The following CDH11 variants were observed in gnomAD, a reference collection of about 807,000 sequenced individuals.
CDH11 encodes cadherin-11.
CDH11 carries 11 observed loss-of-function variants against 67.8 expected under a neutral mutation model. The observed-to-expected ratio is 0.16, with a 90% CI of 0.10 to 0.27. CDH11 has a LOEUF of 0.27. Ranked by LOEUF, CDH11 falls within the 10% of genes least tolerant of loss-of-function variation. The pLI is 1.00. For synonymous variants in CDH11, 419 were observed against 400.0 expected (o/e 1.05, Z -0.57); for missense variants, 847 against 1,031.2 (o/e 0.82, Z 2.45).
At chr16:65,024,727 G>A (rs1426274350) in intron 2 of CDH11, among the ~76,000 whole-genome samples, 1 of 152,130 alleles carries the variant, frequency 6.6e-6, no homozygotes, top group Non-Finnish European at 1.5e-5. Context: ...GGCATTCAAA[G>A]ACCTGCCACT....
intron 2 of CDH11, among the ~76,000 whole-genome samples, chr16:65,038,598 C>A (rs2073801159): frequency 6.6e-6 from 1 of 152,186 alleles, no homozygotes; most frequent in South Asian, 2.1e-4. Context: ...TAATTCTAAG[C>A]CTTGCTTCTA....
In CDH11 at chr16:65,067,668, G is replaced by C. The variant is rs186508748; in HGVS notation, c.-297-13740C>G. ...TATGCACACTGACACATAGAATTGG[G>C]ACCTATGTAAAGGTGAGACAGAGAA... On this transcript the variant is annotated intron_variant, in intron 1 of 12. Transcript: ENST00000268603. Among the ~76,000 whole-genome samples the C allele has an allele frequency of 1.0e-3, 151 of 151,370 alleles. 1 individual carries two copies. The highest frequency in any genetic ancestry group is 1.9e-3 in the Non-Finnish European group (129 of 67,874).
At position 64,957,639 on chromosome 16, in the gene CDH11, C is replaced by CATAT. The variant is rs36077145; in HGVS notation, c.1643-6625_1643-6622dup. On this transcript the variant is annotated intron_variant, in intron 11 of 12. Transcript: ENST00000268603. ...ACACACACACACACACACACCCATC[C>CATAT]ATATATATATATATACATATATATA... Among the ~76,000 whole-genome samples, 494 of 146,820 alleles carry CATAT rather than the reference C, an allele frequency of 3.4e-3. 3 individuals carry two copies. Among genetic ancestry groups the CATAT allele is most frequent in the East Asian group, 0.012 (61 of 4,930 alleles).
At chr16:65,084,410 T>C (rs2074662025) in intron 1 of CDH11, among the ~76,000 whole-genome samples, 1 of 151,896 alleles carries the variant, frequency 6.6e-6, no homozygotes, top group South Asian at 2.1e-4. Context: ...GAGCCAAAAT[T>C]GAACCATTGC....
chr16:64,972,852 G>A, intron 9 of CDH11, 52 bp downstream of exon 9: 1 of 1,588,936 alleles, frequency 6.3e-7, no homozygotes, highest in Non-Finnish European at 8.6e-7. Flanking sequence ...TATAGAGTCT[G>A]AAGCGATAAT....
intron 12 of CDH11, chr16:64,948,825 C>G (rs746174472): frequency 1.3e-5 from 18 of 1,412,010 alleles, no homozygotes; most frequent in South Asian, 1.0e-4. Flanking sequence ...AAGGAAAGTT[C>G]AGGCACAGTT....
intron 6 of CDH11, 55 bp downstream of exon 6, chr16:64,991,713 G>A: frequency 7.4e-7 from 1 of 1,347,122 alleles, no homozygotes; most frequent in South Asian, 1.2e-5. Flanking sequence ...GTTAGAGGAG[G>A]GAGAGAGCTG....
chr16:64,974,011 T>C (rs944656230), intron 8 of CDH11, among the ~76,000 whole-genome samples: 20 of 152,238 alleles, frequency 1.3e-4, no homozygotes, highest in African/African-American at 4.6e-4. Context: ...AGATTTTAGT[T>C]ACTCCCACCC....
intron 1 of CDH11, among the ~76,000 whole-genome samples, chr16:65,061,153 T>C (rs1355979617): frequency 2.0e-5 from 3 of 152,248 alleles, no homozygotes; most frequent in African/African-American, 7.2e-5. Flanking sequence ...TGTGGCTATT[T>C]GGTCCTCCCA....
intron 1 of CDH11, among the ~76,000 whole-genome samples, chr16:65,088,803 C>G (rs1429323084): frequency 1.3e-5 from 2 of 152,134 alleles, no homozygotes; most frequent in Admixed American, 6.6e-5. Flanking sequence ...AGACAAAGGG[C>G]CTGATACATG....
intron 12 of CDH11, among the ~76,000 whole-genome samples, chr16:64,949,914 C>A (rs1329123601): frequency 6.6e-6 from 1 of 152,134 alleles, no homozygotes; most frequent in African/African-American, 2.4e-5. Flanking sequence ...AGAGAATACC[C>A]AGTAACTATT....
chr16:65,036,624 G>C (rs1299428073), intron 2 of CDH11, among the ~76,000 whole-genome samples: 1 of 152,068 alleles, frequency 6.6e-6, no homozygotes, highest in Non-Finnish European at 1.5e-5. Context: ...CCATTCTGCA[G>C]CCATCCTGCC....
chr16:64,988,043 G>C (rs2072529660), intron 7 of CDH11, 114 bp downstream of exon 7: 1 of 746,352 alleles, frequency 1.3e-6, no homozygotes, highest in Admixed American at 2.7e-5. Flanking sequence ...AGTCAGGTCA[G>C]CCCCTGGTTT....
At chr16:65,058,902 T>C (rs1042233264) in intron 1 of CDH11, among the ~76,000 whole-genome samples, 7 of 152,186 alleles carry the variant, frequency 4.6e-5, no homozygotes, top group Non-Finnish European at 1.0e-4. Context: ...AAATCAATAG[T>C]TGTGATTATG....
intron 11 of CDH11, among the ~76,000 whole-genome samples, chr16:64,971,103 A>G (rs1318799504): frequency 6.6e-6 from 1 of 152,348 alleles, no homozygotes; most frequent in African/African-American, 2.4e-5. Context: ...TCAGGCAACA[A>G]TTCTGCAACT....
At chr16:64,968,588 G>C (rs900320378) in intron 11 of CDH11, 1 of 983,826 alleles carries the variant, frequency 1.0e-6, no homozygotes, top group African/African-American at 1.7e-5. Context: ...AACGGAATAA[G>C]ATAAAATGAA....
chr16:65,077,883 C>G (rs1234808730), intron 1 of CDH11, among the ~76,000 whole-genome samples: 6 of 152,204 alleles, frequency 3.9e-5, no homozygotes. Flanking sequence ...ATTTTCCCTT[C>G]AATTAATGTT....
intron 8 of CDH11, among the ~76,000 whole-genome samples, chr16:64,976,891 C>CAACA (rs1567503099): frequency 7.3e-6 from 1 of 137,558 alleles, no homozygotes; most frequent in Non-Finnish European, 1.6e-5. Context: ...ACCAACCAAC[C>CAACA]AACAAAAAAG....
At chr16:65,044,404 T>A (rs556881069) in intron 2 of CDH11, among the ~76,000 whole-genome samples, 2 of 152,242 alleles carry the variant, frequency 1.3e-5, no homozygotes, top group South Asian at 4.2e-4. Flanking sequence ...AAAAATGACC[T>A]TTTAGGGTAG....
Sources: gnomAD v4.1 joint callset for allele counts (sites outside exome capture counted in the v4.1 genomes callset) on GRCh38, gnomAD v4.1.1 for gene constraint, MANE v1.5 for transcripts, NCBI Gene and HGNC (gene_info 2026-07-23, HGNC 2026-07-21) for gene names.